Variants in KCNMA1 observed in about 807,000 individuals in gnomAD.
KCNMA1 encodes the protein potassium calcium-activated channel subfamily M alpha 1, also known as Calcium-activated potassium channel subunit alpha-1.
In KCNMA1, 29 loss-of-function variants were observed where a neutral mutation model predicts 140.0. That is an observed-to-expected ratio of 0.21 (90% CI 0.15 to 0.28). The LOEUF (loss-of-function observed/expected upper bound fraction) is 0.28, where lower values mean the gene tolerates loss of function less well. Among genes scored for constraint, KCNMA1 ranks in the 10% least tolerant of loss-of-function variants. KCNMA1 has a pLI of 1.00. For synonymous variants in KCNMA1, 612 were observed against 611.9 expected (o/e 1.00, Z 0.00); for missense variants, 880 against 1,602.2 (o/e 0.55, Z 7.70).
intron 5 of KCNMA1, among the ~76,000 whole-genome samples, chr10:77,159,489 G>A (rs891774925): frequency 6.6e-6 from 1 of 152,158 alleles, no homozygotes; most frequent in African/African-American, 2.4e-5. Flanking sequence ...AAGACATAAC[G>A]AAGTGACCTT....
At chr10:77,091,630 T>A (rs900032484) in intron 9 of KCNMA1, 5 of 152,070 alleles carry the variant, frequency 3.3e-5, no homozygotes, top group African/African-American at 1.2e-4. Flanking sequence ...AGCATCTGAG[T>A]CTCTAGCTGC....
intron 2 of KCNMA1, chr10:77,373,746 G>T (rs1409838319): frequency 6.6e-6 from 1 of 152,108 alleles, no homozygotes; most frequent in Non-Finnish European, 1.5e-5. Flanking sequence ...TTTCACTCTG[G>T]ATCTATCTAA....
At chr10:77,420,368 C>T (rs193269050) in intron 1 of KCNMA1, among the ~76,000 whole-genome samples, 1 of 152,368 alleles carries the variant, frequency 6.6e-6, no homozygotes, top group East Asian at 1.9e-4. Flanking sequence ...CACTGTTCTC[C>T]TTCCCAAATC....
chr10:77,567,210 G>A (rs969320514), intron 1 of KCNMA1, among the ~76,000 whole-genome samples: 9 of 152,220 alleles, frequency 5.9e-5, no homozygotes, highest in Non-Finnish European at 1.0e-4. Flanking sequence ...TCCCAAGGCG[G>A]GGGATTAGAT....
intron 13 of KCNMA1, among the ~76,000 whole-genome samples, chr10:77,074,630 T>G (rs184445512): frequency 4.6e-5 from 7 of 152,332 alleles, no homozygotes; most frequent in Admixed American, 1.3e-4. Flanking sequence ...TGGTATATAT[T>G]CCAAGAAAGC....
At chr10:77,090,576 G>C (rs2153792789) in intron 9 of KCNMA1, 66 bp from the exon 10 acceptor site, 1 of 1,037,826 alleles carries the variant, frequency 9.6e-7, no homozygotes, top group Non-Finnish European at 1.5e-6. Flanking sequence ...CCACCCCCTG[G>C]CAAGACAGCA....
intron 1 of KCNMA1, among the ~76,000 whole-genome samples, chr10:77,484,889 A>C (rs1406780940): frequency 1.3e-5 from 2 of 152,252 alleles, no homozygotes; most frequent in Admixed American, 1.3e-4. Context: ...GCATCCTGTT[A>C]GACAAGTAAT....
chr10:77,433,406 G>A (rs1033442914), intron 1 of KCNMA1, among the ~76,000 whole-genome samples: 4 of 152,118 alleles, frequency 2.6e-5, no homozygotes, highest in Non-Finnish European at 4.4e-5. Context: ...GCCCACCTTG[G>A]CCTCCCAAAA....
At chr10:77,353,414 T>C (rs2154390405) in intron 2 of KCNMA1, among the ~76,000 whole-genome samples, 1 of 152,170 alleles carries the variant, frequency 6.6e-6, no homozygotes, top group South Asian at 2.1e-4. Flanking sequence ...TATTAAACAG[T>C]TCAATCAACA....
intron 3 of KCNMA1, among the ~76,000 whole-genome samples, chr10:77,192,558 C>A (rs2038953653): frequency 1.3e-5 from 2 of 152,252 alleles, no homozygotes; most frequent in South Asian, 4.1e-4. Flanking sequence ...AATTTGACCT[C>A]TTCAAGTCTT....
chr10:77,571,581 C>A (rs1227579347), intron 1 of KCNMA1, among the ~76,000 whole-genome samples: 1 of 152,202 alleles, frequency 6.6e-6, no homozygotes, highest in Non-Finnish European at 1.5e-5. Context: ...CTTTGCCCCC[C>A]TGCAGATGTC....
rs146557858 is a variant in KCNMA1 at position 77,025,715 on chromosome 10, AG to A, written c.1928+2107del. Among the ~76,000 whole-genome samples, 244 of 152,218 alleles carry A rather than the reference AG, an allele frequency of 1.6e-3. 4 individuals carry two copies. The East Asian group carries it at 0.039, about 24-fold the overall frequency. Reference sequence around the variant, plus strand: ...CACCCAGTCAGTTAGAAAATGTGAGAGGGAAAGAAGTGGGACATGTTTAAAT... The same window carrying A: ...CACCCAGTCAGTTAGAAAATGTGAGAGGAAAGAAGTGGGACATGTTTAAAT... On this transcript the variant is annotated intron_variant, in intron 16 of 27. Coordinates refer to ENST00000286628, the MANE Select transcript of KCNMA1 (RefSeq NM_001161352.2).
chr10:77,373,583 G>A (rs536956353), intron 2 of KCNMA1: 2 of 152,298 alleles, frequency 1.3e-5, no homozygotes, highest in East Asian at 3.9e-4. Flanking sequence ...TATTACAGGT[G>A]AGGTTAGGAA....
chr10:77,428,203 G>C (rs1348422918), intron 1 of KCNMA1, among the ~76,000 whole-genome samples: 1 of 152,158 alleles, frequency 6.6e-6, no homozygotes, highest in Non-Finnish European at 1.5e-5. Flanking sequence ...GACAAAACCA[G>C]GAGGTCCCAA....
At chr10:77,220,790 G>C (rs772695756) in intron 3 of KCNMA1, among the ~76,000 whole-genome samples, 3 of 152,154 alleles carry the variant, frequency 2.0e-5, no homozygotes, top group Non-Finnish European at 4.4e-5. Context: ...CAAGATATAA[G>C]TGACATCCAA....
intron 3 of KCNMA1, among the ~76,000 whole-genome samples, chr10:77,202,072 C>T (rs982538382): frequency 2.0e-5 from 3 of 152,190 alleles, no homozygotes; most frequent in African/African-American, 7.2e-5. Context: ...TTTGGTTTTA[C>T]TGTAGCCAGA....
intron 2 of KCNMA1, among the ~76,000 whole-genome samples, chr10:77,287,654 G>A (rs1310167595): frequency 6.6e-6 from 1 of 152,184 alleles, no homozygotes; most frequent in Non-Finnish European, 1.5e-5. Flanking sequence ...TTGGCATGAG[G>A]ATCTCCTGCA....
At chr10:76,931,847 G>A (rs1186824115) in intron 23 of KCNMA1, among the ~76,000 whole-genome samples, 1 of 152,156 alleles carries the variant, frequency 6.6e-6, no homozygotes, top group Non-Finnish European at 1.5e-5. Flanking sequence ...CCTTCCAAAG[G>A]TGTGTTGGTT....
intron 20 of KCNMA1, among the ~76,000 whole-genome samples, chr10:76,961,315 T>C (rs771709097): frequency 1.3e-5 from 2 of 151,850 alleles, no homozygotes; most frequent in African/African-American, 2.4e-5. Context: ...GAAATAGAAT[T>C]AGAAGTGGAG....
Sources: allele counts gnomAD v4.1 joint callset (sites outside exome capture counted in the v4.1 genomes callset), GRCh38; gene constraint gnomAD v4.1.1; transcripts MANE v1.5; gene names NCBI Gene and HGNC (gene_info 2026-07-23, HGNC 2026-07-21).